The following NUBPL variants were observed in gnomAD, a reference collection of about 807,000 sequenced individuals.
NUBPL encodes NUBP iron-sulfur cluster assembly factor, mitochondrial, also known as iron-sulfur cluster transfer protein NUBPL.
A neutral mutation model predicts 45.7 loss-of-function variants in NUBPL; 31 were observed. The observed-to-expected ratio is 0.68, with a 90% CI of 0.51 to 0.92. The LOEUF is 0.92. Ranked by LOEUF, NUBPL falls within the 40% of genes least tolerant of loss-of-function variation. NUBPL has a pLI of 0.00. For synonymous variants in NUBPL, 144 were observed against 140.9 expected (o/e 1.02, Z -0.15); for missense variants, 401 against 398.7 (o/e 1.01, Z -0.05).
intron 4 of NUBPL, among the ~76,000 whole-genome samples, chr14:31,611,820 G>A (rs2034767341): frequency 1.3e-5 from 2 of 152,178 alleles, no homozygotes; most frequent in Admixed American, 1.3e-4. Context: ...TACAGTGGGG[G>A]AAAAGATGGT....
chr14:31,809,400 C>T (rs528739890), intron 7 of NUBPL, among the ~76,000 whole-genome samples: 4 of 151,986 alleles, frequency 2.6e-5, no homozygotes, highest in African/African-American at 9.7e-5. Context: ...TAGTTTATTT[C>T]TGTAGAGGTG....
At chr14:31,694,824 A>T (rs879270132) in intron 6 of NUBPL, among the ~76,000 whole-genome samples, 43 of 152,308 alleles carry the variant, frequency 2.8e-4, no homozygotes, top group African/African-American at 8.9e-4. Flanking sequence ...AGCAACAGAC[A>T]TTTATTGGCT....
chr14:31,720,509 C>T (rs760728689), intron 6 of NUBPL, among the ~76,000 whole-genome samples: 33 of 152,196 alleles, frequency 2.2e-4, no homozygotes, highest in Non-Finnish European at 4.1e-4. Context: ...CCACATTCCA[C>T]ATAGGTAGCC....
At chr14:31,708,351 G>A (rs2037497549) in intron 6 of NUBPL, among the ~76,000 whole-genome samples, 1 of 152,270 alleles carries the variant, frequency 6.6e-6, no homozygotes, top group East Asian at 1.9e-4. Flanking sequence ...GACTGGGTGG[G>A]CATTTTTTGC....
intron 6 of NUBPL, among the ~76,000 whole-genome samples, chr14:31,709,796 G>T (rs2139920062): frequency 6.6e-6 from 1 of 152,258 alleles, no homozygotes; most frequent in Middle Eastern, 3.4e-3. Context: ...ATAGCCCAGG[G>T]GTTTTTGTTG....
chr14:31,582,612 A>G (rs2033893892), intron 3 of NUBPL, among the ~76,000 whole-genome samples: 1 of 152,110 alleles, frequency 6.6e-6, no homozygotes, highest in Non-Finnish European at 1.5e-5. Flanking sequence ...TCAGAGGCAA[A>G]TCTTAGTATT....
At chr14:31,841,478 CT>C (rs1415276965) in intron 8 of NUBPL, among the ~76,000 whole-genome samples, 1 of 152,106 alleles carries the variant, frequency 6.6e-6, no homozygotes, top group Non-Finnish European at 1.5e-5. Flanking sequence ...ATTGTATTAT[CT>C]GGCTTTTCCT....
chr14:31,666,249 A>T (rs868205963), intron 4 of NUBPL, among the ~76,000 whole-genome samples: 1,770 of 35,038 alleles, frequency 0.051, 129 homozygotes, highest in African/African-American at 0.19. Flanking sequence ...ATATATATAT[A>T]TATATATATA....
chr14:31,799,780 G>T (rs2039549091), intron 7 of NUBPL, among the ~76,000 whole-genome samples: 1 of 152,180 alleles, frequency 6.6e-6, no homozygotes, highest in Non-Finnish European at 1.5e-5. Flanking sequence ...AGTGATCAGG[G>T]TGGCAGTTGC....
rs371913871 is a variant in NUBPL at position 31,705,846 on chromosome 14, C to T, written c.513+32272C>T. Among the ~76,000 whole-genome samples the T allele has an allele frequency of 1.5e-4, 23 of 152,310 alleles. No homozygotes were observed. In the East Asian group the frequency reaches 2.5e-3, roughly 17 times the overall value. ...GCACTCTGGCAGCCCAGAAGGAGCA[C>T]ATCCCCCGATCAAGCCCAGCAGGTG... On this transcript the variant is annotated intron_variant, in intron 6 of 10. Transcript: ENST00000281081.
chr14:31,600,984 T>A (rs995870510), intron 4 of NUBPL, among the ~76,000 whole-genome samples: 4 of 152,072 alleles, frequency 2.6e-5, no homozygotes, highest in African/African-American at 9.7e-5. Flanking sequence ...CTAGCCAGTT[T>A]TCCCAGCACC....
At chr14:31,676,990 TTATA>T (rs1169602968) in intron 6 of NUBPL, among the ~76,000 whole-genome samples, 1 of 152,092 alleles carries the variant, frequency 6.6e-6, no homozygotes. Context: ...TACCCCAAGG[TTATA>T]ATGATAAGAA....
chr14:31,842,996 T>C (rs1394085235), intron 8 of NUBPL, among the ~76,000 whole-genome samples: 2 of 152,212 alleles, frequency 1.3e-5, no homozygotes, highest in Admixed American at 6.5e-5. Flanking sequence ...ATGTGTGTTA[T>C]CAACTCTCAA....
chr14:31,765,563 T>C (rs2038896939), intron 6 of NUBPL, among the ~76,000 whole-genome samples: 1 of 152,100 alleles, frequency 6.6e-6, no homozygotes, highest in Non-Finnish European at 1.5e-5. Context: ...CATCCCGAAT[T>C]TACAGATTCA....
At chr14:31,730,568 A>G (rs1391051272) in intron 6 of NUBPL, among the ~76,000 whole-genome samples, 2 of 149,814 alleles carry the variant, frequency 1.3e-5, no homozygotes, top group Non-Finnish European at 3.0e-5. Context: ...GGTTCACGCC[A>G]TTCTCCTGCC....
At chr14:31,830,135 A>T (rs2040166503) in intron 8 of NUBPL, among the ~76,000 whole-genome samples, 1 of 152,182 alleles carries the variant, frequency 6.6e-6, no homozygotes, top group African/African-American at 2.4e-5. Flanking sequence ...AAAGTAAATT[A>T]AAGTATATTT....
At chr14:31,669,263 A>G (rs751272884) in intron 4 of NUBPL, among the ~76,000 whole-genome samples, 5 of 152,174 alleles carry the variant, frequency 3.3e-5, no homozygotes, top group Non-Finnish European at 5.9e-5. Flanking sequence ...AATCAGGGTA[A>G]TGAGCAGATT....
chr14:31,573,144 CAT>C (rs2033632885), intron 3 of NUBPL, among the ~76,000 whole-genome samples: 2 of 152,254 alleles, frequency 1.3e-5, no homozygotes, highest in Admixed American at 6.5e-5. Context: ...ACACGTGAAT[CAT>C]GTGTTGTGCT....
At chr14:31,614,975 G>A (rs374111901) in intron 4 of NUBPL, among the ~76,000 whole-genome samples, 7 of 152,112 alleles carry the variant, frequency 4.6e-5, no homozygotes, top group African/African-American at 1.7e-4. Flanking sequence ...GTTGTAAGAA[G>A]GTATTGAGGA....
Sources: allele counts gnomAD v4.1 joint callset (sites outside exome capture counted in the v4.1 genomes callset), GRCh38; gene constraint gnomAD v4.1.1; transcripts MANE v1.5; gene names NCBI Gene and HGNC (gene_info 2026-07-23, HGNC 2026-07-21).